UBE2D3: variants seen among roughly 807,000 people sequenced by gnomAD.
UBE2D3 encodes the protein ubiquitin-conjugating enzyme E2 D3.
A neutral mutation model predicts 22.8 loss-of-function variants in UBE2D3; 2 were observed. The observed-to-expected ratio is 0.09, with a 90% CI of 0.04 to 0.28. The LOEUF (loss-of-function observed/expected upper bound fraction) is 0.28. Ranked by LOEUF, UBE2D3 falls within the 10% of genes least tolerant of loss-of-function variation. The pLI, the probability that UBE2D3 is intolerant of heterozygous loss-of-function variation, is 1.00. For synonymous variants in UBE2D3, 56 were observed against 60.4 expected, an observed-to-expected ratio of 0.93 and a Z score of 0.34; for missense variants, 27 against 182.5, an observed-to-expected ratio of 0.15 and a Z score of 4.91.
At chr4:102,809,956 C>T in intron 2 of UBE2D3, 101 bp from the exon 3 acceptor site, 1 of 1,078,648 alleles carries the variant, frequency 9.3e-7, no homozygotes, top group Non-Finnish European at 1.4e-6. Flanking sequence ...TTTTTAAAGG[C>T]ACACTCCATC....
In UBE2D3 at chr4:102,800,844, ATT is replaced by A. The variant is rs1356942688; in HGVS notation, c.304+608_304+609del. Among the ~76,000 whole-genome samples the A allele has an allele frequency of 3.3e-5, 5 of 152,222 alleles. No individual in the cohort carries two copies. The East Asian group carries it at 9.6e-4, about 29-fold the overall frequency. ...AACAATTAATGGTGAAATAGTGTTA[ATT>A]ATTACAACTTCACCTGGGATATTCA... is the stretch of plus-strand genomic sequence containing the variant. On this transcript the variant is annotated intron_variant, in intron 6 of 7. Coordinates refer to ENST00000453744, the MANE Select transcript of UBE2D3 (RefSeq NM_181891.3).
intron 7 of UBE2D3, chr4:102,799,012 CAT>C (rs780769975): frequency 5.1e-6 from 8 of 1,580,606 alleles, no homozygotes; most frequent in Non-Finnish European, 6.9e-6. Context: ...TTAATTATAA[CAT>C]ATGAAAGTTA....
upstream of UBE2D3, among the ~76,000 whole-genome samples, chr4:102,831,754 A>AT (rs561802722): frequency 1.6e-4 from 25 of 152,296 alleles, no homozygotes; most frequent in South Asian, 4.8e-3. Context: ...AGGTTAAAAA[A>AT]ATATATATTT....
intron 1 of UBE2D3, among the ~76,000 whole-genome samples, chr4:102,835,666 A>G (rs537636414): frequency 2.6e-5 from 4 of 152,362 alleles, no homozygotes; most frequent in African/African-American, 9.6e-5. Flanking sequence ...CCTCTTCCTC[A>G]TCTCTACCAG....
intron 5 of UBE2D3, 32 bp downstream of exon 5, chr4:102,802,529 T>C (rs1726328779): frequency 6.4e-7 from 1 of 1,552,976 alleles, no homozygotes; most frequent in Non-Finnish European, 8.8e-7. Flanking sequence ...AGCATAAATC[T>C]ATACTAACAG....
At chr4:102,840,006 C>T (rs1238341934) in intron 1 of UBE2D3, among the ~76,000 whole-genome samples, 4 of 152,036 alleles carry the variant, frequency 2.6e-5, no homozygotes. Context: ...ACACAAATGC[C>T]CAATAAGTAT....
intron 1 of UBE2D3, among the ~76,000 whole-genome samples, chr4:102,865,270 G>A (rs1333860358): frequency 6.6e-6 from 1 of 152,060 alleles, no homozygotes; most frequent in Non-Finnish European, 1.5e-5. Context: ...GAGGCAGGTG[G>A]ATCATGAGGT....
chr4:102,846,227 G>A (rs1352091535), intron 1 of UBE2D3, among the ~76,000 whole-genome samples: 1 of 152,182 alleles, frequency 6.6e-6, no homozygotes, highest in Admixed American at 6.5e-5. Flanking sequence ...CCACTTCAGA[G>A]CTCCTAGGAA....
rs930810901 is a variant in UBE2D3, at chr4:102,826,800, A to G, written c.-128-164T>C. 2.4e-6 allele frequency: 3 copies of G among 1,246,938 alleles called. No individual in the cohort carries two copies. The African/African-American group carries it at 4.7e-5, about 19-fold the overall frequency. 77.2% of individuals were successfully genotyped at this position (1,246,938 alleles called of 1,614,324 possible). ...TCGGCCCGAAGTGGGGGCGAGGGTG[A>G]CGGGAAGAGCGGAGGTGGTGGCTAC... On this transcript the variant is annotated intron_variant, in intron 1 of 7. Coordinates refer to ENST00000453744, the MANE Select transcript of UBE2D3 (RefSeq NM_181891.3).
intron 1 of UBE2D3, 132 bp from the exon 2 acceptor site, chr4:102,826,768 CG>C: frequency 7.7e-7 from 1 of 1,296,526 alleles, no homozygotes; most frequent in South Asian, 2.1e-5. Context: ...GCCTCTGTAC[CG>C]TGCTTTCGGC....
At chr4:102,862,436 T>C (rs1732942452) in intron 1 of UBE2D3, among the ~76,000 whole-genome samples, 1 of 150,770 alleles carries the variant, frequency 6.6e-6, no homozygotes, top group Non-Finnish European at 1.5e-5. Flanking sequence ...TAAAGCATAT[T>C]AGTTGTTCCA....
chr4:102,829,816 G>A (rs1731015747), upstream of UBE2D3, among the ~76,000 whole-genome samples: 1 of 152,096 alleles, frequency 6.6e-6, no homozygotes, highest in Admixed American at 6.5e-5. Context: ...GCGGGCGCCT[G>A]TAATCCCAGC....
chr4:102,817,330 T>C (rs1728912355), intron 2 of UBE2D3, among the ~76,000 whole-genome samples: 1 of 152,204 alleles, frequency 6.6e-6, no homozygotes, highest in African/African-American at 2.4e-5. Context: ...CAAATGAGTT[T>C]TGATTTTTAA....
At chr4:102,868,024 A>G (rs941568798) in intron 1 of UBE2D3, among the ~76,000 whole-genome samples, 6 of 151,854 alleles carry the variant, frequency 4.0e-5, no homozygotes, top group Non-Finnish European at 4.4e-5. Context: ...GCTAGACTTC[A>G]GCAGAAGCCT....
Position 102,826,653 on chromosome 4 carries a change from G to A in UBE2D3, c.-128-17C>T, listed in dbSNP as rs555303859. ...CACAGGCGCCTTTTGCAAAAACGGAGCAGATCAGCACTCGCACAGGCCCCG... is the reference window on the plus strand; with the variant it reads ...CACAGGCGCCTTTTGCAAAAACGGAACAGATCAGCACTCGCACAGGCCCCG... On this transcript the variant is annotated splice_polypyrimidine_tract_variant and intron_variant, in intron 1 of 7. Coordinates refer to ENST00000453744, the MANE Select transcript of UBE2D3 (RefSeq NM_181891.3). The A allele has an allele frequency of 1.7e-5, 27 of 1,556,726 alleles. No homozygotes were observed. Among genetic ancestry groups the A allele is most frequent in the Non-Finnish European group, 2.0e-5 (23 of 1,161,642 alleles).
intron 2 of UBE2D3, among the ~76,000 whole-genome samples, chr4:102,820,332 G>A (rs1273493621): frequency 6.6e-6 from 1 of 152,132 alleles, no homozygotes; most frequent in African/African-American, 2.4e-5. Context: ...TTCAAGAGAA[G>A]GATGCTTGGC....
intron 2 of UBE2D3, among the ~76,000 whole-genome samples, chr4:102,824,823 A>G (rs1730204944): frequency 6.6e-6 from 1 of 152,230 alleles, no homozygotes; most frequent in Non-Finnish European, 1.5e-5. Flanking sequence ...CTTTGTGTAA[A>G]CCACACTGTA....
At chr4:102,866,871 C>A (rs1442797561) in intron 1 of UBE2D3, among the ~76,000 whole-genome samples, 3 of 152,052 alleles carry the variant, frequency 2.0e-5, no homozygotes, top group African/African-American at 7.2e-5. Context: ...TAGTTGTACC[C>A]AAGGGTGCTT....
chr4:102,820,596 G>A (rs962337918), intron 2 of UBE2D3, among the ~76,000 whole-genome samples: 10 of 152,042 alleles, frequency 6.6e-5, no homozygotes, highest in African/African-American at 2.4e-4. Flanking sequence ...CACCACTGAA[G>A]GTAAAGTCAC....
Sources: allele counts gnomAD v4.1 joint callset (sites outside exome capture counted in the v4.1 genomes callset), GRCh38; gene constraint gnomAD v4.1.1; transcripts MANE v1.5; gene names NCBI Gene and HGNC (gene_info 2026-07-23, HGNC 2026-07-21).